FARS2: variants seen among roughly 807,000 people sequenced by gnomAD.
FARS2 encodes the protein phenylalanyl-tRNA synthetase 2, mitochondrial.
In FARS2, 40 loss-of-function variants were observed where a neutral mutation model predicts 46.4. That is an observed-to-expected ratio of 0.86 (90% CI 0.67 to 1.12). The LOEUF is 1.12. Ranked by LOEUF, FARS2 falls within the 50% of genes most tolerant of loss-of-function variation. The probability of loss-of-function intolerance (pLI) is 0.00; values close to 1 mark genes in which losing one functional copy is unlikely to be tolerated. For synonymous variants in FARS2, 234 were observed against 214.9 expected, an observed-to-expected ratio of 1.09 and a Z score of -0.78; for missense variants, 513 against 567.9, an observed-to-expected ratio of 0.90 and a Z score of 0.98.
chr6:5,451,670 T>G (rs961379701), intron 4 of FARS2: 5 of 152,226 alleles, frequency 3.3e-5, no homozygotes, highest in South Asian at 2.1e-4. Context: ...AGGATGATAC[T>G]CTACATAATT....
At chr6:5,550,848 C>T (rs140170146) in intron 5 of FARS2, among the ~76,000 whole-genome samples, 41 of 152,252 alleles carry the variant, frequency 2.7e-4, no homozygotes, top group African/African-American at 7.2e-4. Context: ...TCTGCTGAGA[C>T]GCCTGAGGGG....
At chr6:5,668,771 G>C (rs949329544) in intron 6 of FARS2, among the ~76,000 whole-genome samples, 1 of 135,090 alleles carries the variant, frequency 7.4e-6, no homozygotes, top group Non-Finnish European at 1.5e-5. Context: ...TCGACTCACT[G>C]CAACCTTCGC....
At chr6:5,460,693 G>A (rs1765193849) in intron 4 of FARS2, among the ~76,000 whole-genome samples, 1 of 152,190 alleles carries the variant, frequency 6.6e-6, no homozygotes, top group African/African-American at 2.4e-5. Flanking sequence ...TGAAGCTGGT[G>A]ACTGACTGCT....
At chr6:5,640,139 G>GGTGT (rs3057207) in intron 6 of FARS2, among the ~76,000 whole-genome samples, 51,682 of 149,674 alleles carry the variant, frequency 0.35, 8,817 homozygotes, top group East Asian at 0.5. Flanking sequence ...ACTTTTGTCA[G>GGTGT]GTGTGTGTGT....
chr6:5,466,621 C>G, intron 4 of FARS2: 1 of 985,260 alleles, frequency 1.0e-6, no homozygotes, highest in Non-Finnish European at 1.2e-6. Flanking sequence ...TGATGGCACC[C>G]AGCCATCCAC....
chr6:5,473,876 A>G (rs1468350035), intron 4 of FARS2, among the ~76,000 whole-genome samples: 5 of 152,242 alleles, frequency 3.3e-5, no homozygotes, highest in Non-Finnish European at 7.3e-5. Flanking sequence ...CAGGCCACAC[A>G]GAATGGACGC....
At chr6:5,591,975 A>G (rs1346220493) in intron 5 of FARS2, among the ~76,000 whole-genome samples, 1 of 152,234 alleles carries the variant, frequency 6.6e-6, no homozygotes, top group Non-Finnish European at 1.5e-5. Flanking sequence ...TGTTGAATTA[A>G]TGAGTCAAGA....
At chr6:5,305,385 C>T (rs1321533636) in intron 1 of FARS2, among the ~76,000 whole-genome samples, 1 of 152,182 alleles carries the variant, frequency 6.6e-6, no homozygotes, top group Non-Finnish European at 1.5e-5. Flanking sequence ...ACTTTATCCT[C>T]ATAGTCCCAG....
chr6:5,381,493 A>G (rs1161175363), intron 2 of FARS2, among the ~76,000 whole-genome samples: 1 of 151,766 alleles, frequency 6.6e-6, no homozygotes, highest in African/African-American at 2.4e-5. Flanking sequence ...GGGCTACTGG[A>G]TTAGATTATG....
At chr6:5,560,566 A>G (rs1771927607) in intron 5 of FARS2, among the ~76,000 whole-genome samples, 3 of 152,128 alleles carry the variant, frequency 2.0e-5, no homozygotes, top group Admixed American at 6.5e-5. Context: ...TGTTAAGATT[A>G]TGATATCCTC....
At chr6:5,364,391 A>T (rs1302207639) in intron 1 of FARS2, among the ~76,000 whole-genome samples, 2 of 152,202 alleles carry the variant, frequency 1.3e-5, no homozygotes, top group Non-Finnish European at 2.9e-5. Flanking sequence ...CCTATTGCCC[A>T]TTATATTGTA....
intron 2 of FARS2, among the ~76,000 whole-genome samples, chr6:5,374,090 A>G (rs1759230348): frequency 6.6e-6 from 1 of 152,118 alleles, no homozygotes; most frequent in African/African-American, 2.4e-5. Context: ...AAACGATCTG[A>G]TGTCTGTGAT....
intron 5 of FARS2, among the ~76,000 whole-genome samples, chr6:5,565,953 A>G (rs761311035): frequency 4.6e-5 from 7 of 152,362 alleles, no homozygotes; most frequent in South Asian, 4.1e-4. Flanking sequence ...ATTCGTTTAC[A>G]TGAAACCGTG....
intron 6 of FARS2, among the ~76,000 whole-genome samples, chr6:5,733,841 TG>T (rs1760789967): frequency 6.6e-6 from 1 of 152,238 alleles, no homozygotes; most frequent in Non-Finnish European, 1.5e-5. Context: ...TTCTTTGCTG[TG>T]TAACCCTGTG....
intron 6 of FARS2, among the ~76,000 whole-genome samples, chr6:5,687,295 T>A (rs1253983505): frequency 6.6e-6 from 1 of 152,240 alleles, no homozygotes; most frequent in East Asian, 1.9e-4. Flanking sequence ...CTGAATGGTA[T>A]TGCCTAGGTT....
chr6:5,697,020 A>G (rs559788415), intron 6 of FARS2, among the ~76,000 whole-genome samples: 1 of 152,348 alleles, frequency 6.6e-6, no homozygotes, highest in Admixed American at 6.5e-5. Flanking sequence ...TAGCAGAAAT[A>G]GGAGAAAATA....
chr6:5,401,463 C>T (rs2503820), intron 2 of FARS2, among the ~76,000 whole-genome samples: 4,144 of 152,162 alleles, frequency 0.027, 209 homozygotes, highest in African/African-American at 0.094. Context: ...TGTTTAGTTA[C>T]GTTATTTCTA....
chr6:5,296,411 G>T (rs1001038863), intron 1 of FARS2, among the ~76,000 whole-genome samples: 1 of 152,138 alleles, frequency 6.6e-6, no homozygotes, highest in Admixed American at 6.5e-5. Flanking sequence ...AAAGTGCTGG[G>T]ATTACAGGCG....
At chr6:5,586,158 C>A (rs572850458) in intron 5 of FARS2, among the ~76,000 whole-genome samples, 2 of 152,088 alleles carry the variant, frequency 1.3e-5, no homozygotes, top group African/African-American at 2.4e-5. Flanking sequence ...CTCATATTAT[C>A]TTCAAACAGA....
Sources: allele counts gnomAD v4.1 joint callset (sites outside exome capture counted in the v4.1 genomes callset), GRCh38; gene constraint gnomAD v4.1.1; transcripts MANE v1.5; gene names NCBI Gene and HGNC (gene_info 2026-07-23, HGNC 2026-07-21).